The following OPCML variants were observed in gnomAD, a reference collection of about 807,000 sequenced individuals.
The protein encoded by OPCML is opioid binding protein/cell adhesion molecule like.
OPCML carries 13 observed loss-of-function variants against 37.8 expected under a neutral mutation model. The ratio of observed to expected loss-of-function variants is 0.34; its 90% CI spans 0.22 to 0.55. The LOEUF (loss-of-function observed/expected upper bound fraction) is 0.55, where lower values mean the gene tolerates loss of function less well. Ranked by LOEUF, OPCML falls within the 20% of genes least tolerant of loss-of-function variation. The pLI is 0.91. For missense variants in OPCML, 341 were observed against 435.6 expected (o/e 0.78, Z 1.93); for synonymous variants, 176 against 168.8 (o/e 1.04, Z -0.33).
At chr11:133,111,506 A>G (rs1814726058) in intron 1 of OPCML, among the ~76,000 whole-genome samples, 1 of 152,162 alleles carries the variant, frequency 6.6e-6, no homozygotes, top group South Asian at 2.1e-4. Context: ...CTCAGATACC[A>G]GCTCTCTCAT....
intron 1 of OPCML, among the ~76,000 whole-genome samples, chr11:133,398,222 G>T (rs1945327905): frequency 6.6e-6 from 1 of 152,238 alleles, no homozygotes; most frequent in African/African-American, 2.4e-5. Flanking sequence ...TTATTTCAGT[G>T]ATGTTTTCAA....
intron 3 of OPCML, among the ~76,000 whole-genome samples, chr11:132,623,172 T>C (rs1939525846): frequency 6.6e-6 from 1 of 152,114 alleles, no homozygotes; most frequent in Non-Finnish European, 1.5e-5. Context: ...CAAACGAAAA[T>C]GCTGGCATCT....
chr11:132,906,719 G>A (rs1003087630), intron 2 of OPCML, among the ~76,000 whole-genome samples: 1 of 152,174 alleles, frequency 6.6e-6, no homozygotes, highest in Admixed American at 6.5e-5. Flanking sequence ...CTCAGGAGAA[G>A]CTGAAAATGG....
chr11:133,059,576 T>C (rs1729742583), intron 1 of OPCML, among the ~76,000 whole-genome samples: 1 of 152,328 alleles, frequency 6.6e-6, no homozygotes. Flanking sequence ...AATGCCCTCA[T>C]TAAACAAAGA....
At chr11:133,380,777 C>G (rs1944912941) in intron 1 of OPCML, among the ~76,000 whole-genome samples, 1 of 152,100 alleles carries the variant, frequency 6.6e-6, no homozygotes. Flanking sequence ...TAGTGTCTCC[C>G]CTGGTTCTTG....
chr11:133,402,374 G>A (rs768772937), intron 1 of OPCML, among the ~76,000 whole-genome samples: 6 of 152,108 alleles, frequency 3.9e-5, no homozygotes, highest in Non-Finnish European at 7.4e-5. Context: ...TTGTTGCATC[G>A]GGGATTTAGT....
rs138831392 is a variant in OPCML at position 133,318,401 on chromosome 11, G to A, written c.61+213863C>T. 7.4e-4 allele frequency among the ~76,000 whole-genome samples: 112 copies of A among 152,128 alleles called. 1 individual carries two copies. The highest frequency in any genetic ancestry group is 2.4e-3 in the African/African-American group (101 of 41,502). ...CCTCCTCCACCATCCCCCAGATGAC[G>A]TTTGGTCCCCCTGGCCTGTCTTCAG... is the stretch of plus-strand genomic sequence containing the variant. On this transcript the variant is annotated intron_variant, in intron 1 of 7. Transcript: ENST00000524381.
intron 1 of OPCML, among the ~76,000 whole-genome samples, chr11:133,362,419 A>G (rs1328453721): frequency 6.6e-6 from 1 of 152,130 alleles, no homozygotes; most frequent in Admixed American, 6.5e-5. Context: ...CTCCCCTCGG[A>G]CAGGACCAGG....
At chr11:132,900,177 A>G (rs1943999795) in intron 2 of OPCML, among the ~76,000 whole-genome samples, 2 of 152,298 alleles carry the variant, frequency 1.3e-5, no homozygotes, top group South Asian at 4.2e-4. Flanking sequence ...TGCCCACAGC[A>G]AGTTCATAAT....
chr11:132,719,055 G>A (rs184564326), intron 2 of OPCML, among the ~76,000 whole-genome samples: 1 of 152,258 alleles, frequency 6.6e-6, no homozygotes, highest in African/African-American at 2.4e-5. Context: ...CCCAAAATAC[G>A]ATGCCACAGA....
intron 1 of OPCML, among the ~76,000 whole-genome samples, chr11:132,993,570 A>G (rs1321190800): frequency 6.6e-6 from 1 of 152,232 alleles, no homozygotes; most frequent in East Asian, 1.9e-4. Flanking sequence ...CATGCCCTCC[A>G]GGGTGGTGGA....
intron 2 of OPCML, among the ~76,000 whole-genome samples, chr11:132,897,282 C>T (rs924102620): frequency 6.6e-6 from 1 of 152,156 alleles, no homozygotes; most frequent in Non-Finnish European, 1.5e-5. Context: ...GAGCTCTTGG[C>T]CAGCTACTGG....
chr11:133,430,663 G>T (rs1565629816), intron 1 of OPCML, among the ~76,000 whole-genome samples: 1 of 152,142 alleles, frequency 6.6e-6, no homozygotes, highest in East Asian at 1.9e-4. Context: ...ACCGTCCAAT[G>T]CATTTAGAGA....
At chr11:132,735,971 G>A (rs1174446305) in intron 2 of OPCML, among the ~76,000 whole-genome samples, 2 of 152,148 alleles carry the variant, frequency 1.3e-5, no homozygotes, top group South Asian at 2.1e-4. Context: ...GTAAAATCAA[G>A]AGCCCAGACG....
At chr11:133,130,421 A>G (rs540213786) in intron 1 of OPCML, among the ~76,000 whole-genome samples, 24 of 152,274 alleles carry the variant, frequency 1.6e-4, no homozygotes, top group African/African-American at 5.8e-4. Flanking sequence ...CATTTACATT[A>G]GCACCAAAAT....
chr11:132,899,830 T>C (rs1943984275), intron 2 of OPCML, among the ~76,000 whole-genome samples: 1 of 152,032 alleles, frequency 6.6e-6, no homozygotes, highest in Non-Finnish European at 1.5e-5. Flanking sequence ...TAGGTTTCTT[T>C]CCTGGAGCTC....
Position 133,179,071 on chromosome 11 carries a change from G to C in OPCML, c.62-236061C>G, listed in dbSNP as rs563072095. Among the ~76,000 whole-genome samples the C allele has an allele frequency of 2.6e-5, 4 of 152,182 alleles. No homozygotes were observed. The South Asian group carries it at 8.3e-4, about 32-fold the overall frequency. On this transcript the variant is annotated intron_variant, in intron 1 of 7. Transcript: ENST00000524381. The stretch of plus-strand genomic sequence containing the variant: ...CATTTCATTTACTGTCCTGCTGGCT[G>C]TCAGGCTAGAGACCCCTCTGGCCCT...
At chr11:132,491,268 C>G (rs2096214741) in intron 4 of OPCML, among the ~76,000 whole-genome samples, 1 of 152,266 alleles carries the variant, frequency 6.6e-6, no homozygotes, top group East Asian at 1.9e-4. Flanking sequence ...TCCAAAAGCA[C>G]TTACAGCTTC....
chr11:132,894,653 C>T (rs1446323731), intron 2 of OPCML, among the ~76,000 whole-genome samples: 1 of 152,204 alleles, frequency 6.6e-6, no homozygotes, highest in African/African-American at 2.4e-5. Context: ...AAGATCCACC[C>T]TCAGTGTGCT....
Sources: allele counts gnomAD v4.1 joint callset (sites outside exome capture counted in the v4.1 genomes callset), GRCh38; gene constraint gnomAD v4.1.1; transcripts MANE v1.5; gene names NCBI Gene and HGNC (gene_info 2026-07-23, HGNC 2026-07-21).